Variants in EPB41L4A observed in about 807,000 individuals in gnomAD.
EPB41L4A encodes erythrocyte membrane protein band 4.1 like 4A, also known as band 4.1-like protein 4A.
Under a neutral mutation model 108.6 loss-of-function variants are expected in EPB41L4A, and 100 were observed. The observed-to-expected ratio is 0.92, with a 90% CI of 0.78 to 1.09. The LOEUF is 1.09. EPB41L4A is among the 50% of genes least tolerant of loss of function. EPB41L4A has a pLI of 0.00. For synonymous variants in EPB41L4A, 319 were observed against 289.0 expected (o/e 1.10, Z -1.05); for missense variants, 1,030 against 842.7 (o/e 1.22, Z -2.75).
At chr5:112,167,145 G>GAAAAAA (rs1760301458) in intron 22 of EPB41L4A, among the ~76,000 whole-genome samples, 2 of 114,650 alleles carry the variant, frequency 1.7e-5, no homozygotes, top group East Asian at 5.7e-4. Flanking sequence ...AAAAAACACC[G>GAAAAAA]AAAGATAACT....
At chr5:112,319,784 A>G (rs1246289660) in intron 1 of EPB41L4A, among the ~76,000 whole-genome samples, 1 of 152,204 alleles carries the variant, frequency 6.6e-6, no homozygotes, top group African/African-American at 2.4e-5. Flanking sequence ...AAGGACAACC[A>G]ACATTTGCCT....
intron 12 of EPB41L4A, among the ~76,000 whole-genome samples, chr5:112,218,482 C>T (rs1747811864): frequency 6.6e-6 from 1 of 152,172 alleles, no homozygotes; most frequent in African/African-American, 2.4e-5. Flanking sequence ...CAGGGCTACA[C>T]AGCCGACTGA....
At chr5:112,153,512 G>A (rs1316443868) in intron 12 of EPB41L4A, among the ~76,000 whole-genome samples, 1 of 148,686 alleles carries the variant, frequency 6.7e-6, no homozygotes, top group Non-Finnish European at 1.5e-5. Context: ...CAGGGCAACA[G>A]AGCAAGACTC....
chr5:112,218,689 C>A (rs1747823015), intron 12 of EPB41L4A, among the ~76,000 whole-genome samples: 1 of 152,090 alleles, frequency 6.6e-6, no homozygotes, highest in South Asian at 2.1e-4. Flanking sequence ...ACTAAGCATA[C>A]CTGTATATCA....
chr5:112,280,455 C>T (rs992460777), intron 2 of EPB41L4A, 132 bp from the exon 3 acceptor site: 1 of 777,534 alleles, frequency 1.3e-6, no homozygotes. Flanking sequence ...CTCATATACA[C>T]ACACAAACAT....
At chr5:112,261,497 G>C (rs1344835929) in intron 7 of EPB41L4A, among the ~76,000 whole-genome samples, 2 of 152,008 alleles carry the variant, frequency 1.3e-5, no homozygotes, top group Non-Finnish European at 2.9e-5. Flanking sequence ...TTTAACTATT[G>C]CTATCCACAT....
chr5:112,414,549 T>G (rs1233621410), intron 1 of EPB41L4A, among the ~76,000 whole-genome samples: 1 of 152,084 alleles, frequency 6.6e-6, no homozygotes, highest in Admixed American at 6.5e-5. Flanking sequence ...GAGTTCAAGA[T>G]AGTTCAAGCT....
At position 112,177,163 on chromosome 5, in the gene EPB41L4A, C is replaced by T. The variant is rs190714515; in HGVS notation, c.1623-6171G>A. Among the ~76,000 whole-genome samples the T allele has an allele frequency of 3.9e-5, 6 of 152,284 alleles. No individual in the cohort carries two copies. In the East Asian group the frequency reaches 1.2e-3, roughly 29 times the overall value. ...GCTGAGAAATCTGACACAGGTCCTA[C>T]TGGACTAAAATCAAGGTGTTGGCAT... On this transcript the variant is annotated intron_variant, in intron 18 of 22. Coordinates refer to ENST00000261486, the MANE Select transcript of EPB41L4A (RefSeq NM_022140.5).
In EPB41L4A at chr5:112,317,619, G is replaced by C. The variant is rs185244126; in HGVS notation, c.100-10129C>G. ...CATTTGCCCTTCTCTCACAATCATA[G>C]AGTTTTCTAGCGGTCACAGGGCATA... is the stretch of plus-strand genomic sequence containing the variant. On this transcript the variant is annotated intron_variant, in intron 1 of 22. Transcript: ENST00000261486. 3.3e-5 allele frequency among the ~76,000 whole-genome samples: 5 copies of C among 152,252 alleles called. No individual in the cohort carries two copies. The East Asian group carries it at 9.7e-4, about 29-fold the overall frequency.
chr5:112,363,827 G>A (rs1214563789), intron 1 of EPB41L4A, among the ~76,000 whole-genome samples: 1 of 152,166 alleles, frequency 6.6e-6, no homozygotes, highest in Non-Finnish European at 1.5e-5. Flanking sequence ...AAAACTGTAG[G>A]TTAGTGTTTT....
chr5:112,378,128 T>G (rs1371947788), intron 1 of EPB41L4A, among the ~76,000 whole-genome samples: 1 of 152,182 alleles, frequency 6.6e-6, no homozygotes, highest in African/African-American at 2.4e-5. Flanking sequence ...CATAAAAAGA[T>G]GAAAATCTAT....
At chr5:112,244,709 T>C (rs1251577935) in intron 9 of EPB41L4A, among the ~76,000 whole-genome samples, 3 of 152,152 alleles carry the variant, frequency 2.0e-5, no homozygotes, top group South Asian at 2.1e-4. Flanking sequence ...TCCTTTATAG[T>C]ATGTGTGGCT....
At chr5:112,275,502 T>G (rs1029466852) in intron 3 of EPB41L4A, 98 bp from the exon 4 acceptor site, 90 of 1,319,192 alleles carry the variant, frequency 6.8e-5, no homozygotes, top group Non-Finnish European at 8.8e-5. Context: ...ACTCCAAGAT[T>G]GTCTAAAGAA....
intron 1 of EPB41L4A, among the ~76,000 whole-genome samples, chr5:112,344,666 C>A (rs747074975): frequency 1.5e-4 from 23 of 152,232 alleles, no homozygotes; most frequent in Non-Finnish European, 2.6e-4. Flanking sequence ...AGAATTGAGG[C>A]TTCTGGGAGA....
chr5:112,322,741 C>CCACA (rs1220892614), intron 1 of EPB41L4A, among the ~76,000 whole-genome samples: 1 of 150,932 alleles, frequency 6.6e-6, no homozygotes, highest in African/African-American at 2.4e-5. Flanking sequence ...CACACACACC[C>CCACA]CACACACACA....
intron 12 of EPB41L4A, among the ~76,000 whole-genome samples, chr5:112,153,795 A>G (rs549883905): frequency 6.6e-6 from 1 of 151,416 alleles, no homozygotes; most frequent in East Asian, 1.9e-4. Flanking sequence ...CAGAATATTT[A>G]TAAAAAGTAA....
chr5:112,317,613 A>C (rs1369034247), intron 1 of EPB41L4A, among the ~76,000 whole-genome samples: 4 of 152,262 alleles, frequency 2.6e-5, no homozygotes, highest in African/African-American at 9.6e-5. Flanking sequence ...TTCTCTCACA[A>C]TCATAGAGTT....
chr5:112,288,194 C>T (rs570008679), intron 2 of EPB41L4A, among the ~76,000 whole-genome samples: 1 of 152,256 alleles, frequency 6.6e-6, no homozygotes, highest in South Asian at 2.1e-4. Flanking sequence ...ATAATCTTAA[C>T]GGCACCGTGT....
intron 17 of EPB41L4A, among the ~76,000 whole-genome samples, chr5:112,188,530 C>T (rs924179912): frequency 1.2e-4 from 19 of 152,166 alleles, no homozygotes; most frequent in African/African-American, 4.6e-4. Flanking sequence ...CTTTGTCCTT[C>T]CACAGTCATC....
Sources: allele counts gnomAD v4.1 joint callset (sites outside exome capture counted in the v4.1 genomes callset), GRCh38; gene constraint gnomAD v4.1.1; transcripts MANE v1.5; gene names NCBI Gene and HGNC (gene_info 2026-07-23, HGNC 2026-07-21).